The following TIA1 variants were observed in gnomAD, a reference collection of about 807,000 sequenced individuals.
TIA1 encodes the protein TIA1 cytotoxic granule associated RNA binding protein, also known as cytotoxic granule associated RNA binding protein TIA1.
Under a neutral mutation model 65.9 loss-of-function variants are expected in TIA1, and 23 were observed. That is an observed-to-expected ratio of 0.35 (90% confidence interval 0.25 to 0.49). The LOEUF is 0.49. Among genes scored for constraint, TIA1 ranks in the 20% least tolerant of loss-of-function variants. The pLI is 0.98. For missense variants in TIA1, 371 were observed against 477.9 expected (o/e 0.78, Z 2.09); for synonymous variants, 147 against 149.4 (o/e 0.98, Z 0.12).
intron 2 of TIA1, among the ~76,000 whole-genome samples, chr2:70,231,264 T>A (rs1425157619): frequency 6.6e-6 from 1 of 152,222 alleles, no homozygotes; most frequent in East Asian, 1.9e-4. Context: ...ACTGCGCCAC[T>A]GCACTCCAGC....
intron 10 of TIA1, 90 bp from the exon 11 acceptor site, chr2:70,215,584 G>A (rs1014325241): frequency 5.7e-6 from 7 of 1,228,444 alleles, no homozygotes; most frequent in African/African-American, 3.1e-5. Context: ...GTGAGTCTGA[G>A]GTAAAACAGT....
chr2:70,226,092 A>G (rs1333506191), intron 6 of TIA1, among the ~76,000 whole-genome samples: 1 of 152,138 alleles, frequency 6.6e-6, no homozygotes, highest in Non-Finnish European at 1.5e-5. Context: ...TATATAGCCT[A>G]AAACTCAAAC....
chr2:70,222,681 C>T (rs1343785528), intron 7 of TIA1, among the ~76,000 whole-genome samples: 14 of 152,110 alleles, frequency 9.2e-5, no homozygotes, highest in Admixed American at 7.9e-4. Context: ...TCTGGGAGGC[C>T]GAGGCAGGTG....
intron 1 of TIA1, among the ~76,000 whole-genome samples, chr2:70,247,947 C>T (rs531435455): frequency 6.6e-6 from 1 of 150,426 alleles, no homozygotes; most frequent in East Asian, 2.0e-4. Context: ...ATCTTATCAC[C>T]GAGAAGAAAA....
At chr2:70,245,008 C>T (rs1458927498) in intron 1 of TIA1, among the ~76,000 whole-genome samples, 1 of 151,958 alleles carries the variant, frequency 6.6e-6, no homozygotes. Context: ...ATTAATTGGG[C>T]TCCGTCTTGC....
At chr2:70,232,397 G>A (rs199854526) in intron 2 of TIA1, among the ~76,000 whole-genome samples, 14 of 149,196 alleles carry the variant, frequency 9.4e-5, no homozygotes, top group South Asian at 4.2e-4. Flanking sequence ...AAAATTAGCC[G>A]GGCGTGGTGG....
At chr2:70,238,966 C>T (rs543282173) in intron 1 of TIA1, among the ~76,000 whole-genome samples, 85 of 152,236 alleles carry the variant, frequency 5.6e-4, no homozygotes, top group African/African-American at 2.0e-3. Context: ...CTACTTCGGA[C>T]GCTGAGGTGG....
At chr2:70,228,818 T>C in intron 5 of TIA1, 1 of 1,392,764 alleles carries the variant, frequency 7.2e-7, no homozygotes, top group Non-Finnish European at 9.3e-7. Flanking sequence ...CCTTAGTTGG[T>C]GAAAGTAGTT....
intron 7 of TIA1, among the ~76,000 whole-genome samples, chr2:70,223,343 A>G (rs1313393402): frequency 6.7e-6 from 1 of 148,694 alleles, no homozygotes; most frequent in Non-Finnish European, 1.5e-5. Flanking sequence ...ATCTTACAGG[A>G]AAAAAAAAAT....
At chr2:70,231,542 A>G (rs1033394314) in intron 2 of TIA1, among the ~76,000 whole-genome samples, 3 of 152,202 alleles carry the variant, frequency 2.0e-5, no homozygotes, top group Admixed American at 6.5e-5. Flanking sequence ...TTTAATATTA[A>G]TGACTAGGTA....
rs2104535468 is a variant in TIA1 at position 70,234,461 on chromosome 2, ACT to A, written c.123+1616_123+1617del. On this transcript the variant is annotated intron_variant, in intron 2 of 12. Transcript: ENST00000433529. ...AAATGTGATAGAATAAAAGAACATA[ACT>A]CTTTGTTGATTTCATCTATATAATA... is the stretch of plus-strand genomic sequence containing the variant. Among the ~76,000 whole-genome samples, 2 of 152,242 alleles carry A rather than the reference ACT, an allele frequency of 1.3e-5. 1 individual carries two copies. Among genetic ancestry groups the A allele is most frequent in the East Asian group, 3.9e-4 (2 of 5,190 alleles).
chr2:70,231,940 T>C (rs888337606), intron 2 of TIA1, among the ~76,000 whole-genome samples: 1 of 152,038 alleles, frequency 6.6e-6, no homozygotes, highest in Non-Finnish European at 1.5e-5. Context: ...CAGTGGCTCA[T>C]GCCTGTAATC....
chr2:70,216,802 T>C lies in TIA1; in HGVS notation c.583+84A>G, dbSNP rs774648021. On this transcript the variant is annotated intron_variant, in intron 8 of 12. Transcript: ENST00000433529. ...GCTTCTCATCTATTTCTGCAATAAG[T>C]CTCCGGGAACAGCTCTAACATTTAA... The C allele has an allele frequency of 1.9e-6, 3 of 1,609,140 alleles. No homozygotes were observed. In the East Asian group the frequency reaches 6.7e-5, roughly 36 times the overall value.
At chr2:70,221,078 C>T (rs1681093908) in intron 7 of TIA1, among the ~76,000 whole-genome samples, 1 of 152,112 alleles carries the variant, frequency 6.6e-6, no homozygotes, top group Non-Finnish European at 1.5e-5. Flanking sequence ...ATAATCTCAG[C>T]TCACTGCAAC....
chr2:70,248,362 G>C, intron 1 of TIA1, 43 bp downstream of exon 1: 2 of 1,592,902 alleles, frequency 1.3e-6, no homozygotes, highest in South Asian at 1.1e-5. Context: ...TTCCCTCCGG[G>C]ACGACCACCA....
chr2:70,228,883 A>G, intron 5 of TIA1, 176 bp downstream of exon 5: 1 of 1,448,426 alleles, frequency 6.9e-7, no homozygotes, highest in Non-Finnish European at 9.1e-7. Context: ...GCACCAAAGT[A>G]GCGGACAAGT....
At chr2:70,240,721 A>T (rs1199075671) in intron 1 of TIA1, among the ~76,000 whole-genome samples, 5 of 152,056 alleles carry the variant, frequency 3.3e-5, no homozygotes, top group African/African-American at 1.2e-4. Flanking sequence ...TAAATACAAA[A>T]ATCAGCCAGG....
chr2:70,246,611 C>T (rs1202058718), intron 1 of TIA1, among the ~76,000 whole-genome samples: 1 of 152,176 alleles, frequency 6.6e-6, no homozygotes, highest in Non-Finnish European at 1.5e-5. Context: ...ACAGGCCAGG[C>T]GCAGTGGCTC....
chr2:70,212,779 A>G lies in TIA1; in HGVS notation c.1101T>C (p.Asn367=), dbSNP rs200990761. The change falls in exon 13 of 13, where the codon AAT becomes AAC. Residue 367 remains asparagine (N), a synonymous_variant. Transcript: ENST00000433529. The stretch of plus-strand genomic sequence containing the variant: ...AAGGCTGATTGGGCAACATGCTGCC[A>G]TTTTGCCCTTGAGGCGGTTGCACTC... ...NYGVQPPQGQ[N]GSMLPNQPSG... 58 of 1,614,148 alleles carry G rather than the reference A, an allele frequency of 3.6e-5. No individual in the cohort carries two copies. The East Asian group carries it at 1.2e-3, about 35-fold the overall frequency.
Sources: gnomAD v4.1 joint callset for allele counts (sites outside exome capture counted in the v4.1 genomes callset) on GRCh38, gnomAD v4.1.1 for gene constraint, MANE v1.5 for transcripts, NCBI Gene and HGNC (gene_info 2026-07-23, HGNC 2026-07-21) for gene names.